The following OSBP2 variants were observed in gnomAD, a reference collection of about 807,000 sequenced individuals.
OSBP2 encodes oxysterol binding protein 2, also known as oxysterol-binding protein 2.
A neutral mutation model predicts 96.0 loss-of-function variants in OSBP2; 66 were observed. The observed-to-expected ratio is 0.69, with a 90% CI of 0.56 to 0.84. The LOEUF (loss-of-function observed/expected upper bound fraction) is 0.84, where lower values mean the gene tolerates loss of function less well. Ranked by LOEUF, OSBP2 falls within the 40% of genes least tolerant of loss-of-function variation. OSBP2 has a pLI of 0.00. For synonymous variants in OSBP2, 525 were observed against 520.9 expected (o/e 1.01, Z -0.11); for missense variants, 1,038 against 1,222.7 (o/e 0.85, Z 2.25).
rs1283001850 is a variant in OSBP2, at chr22:30,893,953, T to C, written c.2327T>C (p.Val776Ala). The C allele has an allele frequency of 6.2e-7, 1 of 1,600,202 alleles. No individual in the cohort carries two copies. Among genetic ancestry groups the C allele is most frequent in the Non-Finnish European group, 8.5e-7 (1 of 1,173,910 alleles). ...AGCTCTGACGGGAAGCAGAAGACAGTGTACCAGACCCTGTCAGCCAAGCTG... is the reference window on the plus strand; with the variant it reads ...AGCTCTGACGGGAAGCAGAAGACAGCGTACCAGACCCTGTCAGCCAAGCTG... The part of the protein sequence containing the change: ...SPSSDGKQKT[V>A]YQTLSAKLLW... Residue 776 changes from valine (V) to alanine (A), a missense_variant, in exon 12 of 14, where the codon GTG becomes GCG. Physicochemically the swap from Val to Ala is moderately conservative, Grantham distance 64 (BLOSUM62 0). Around this residue, in one of 3 missense-constraint regions of OSBP2, gnomAD observed 737 missense variants for 913.3 expected, o/e 0.81. Transcript: ENST00000332585.
chr22:30,905,773 C>A, intron 12 of OSBP2, 64 bp from the exon 13 acceptor site: 1 of 1,587,516 alleles, frequency 6.3e-7, no homozygotes, highest in Non-Finnish European at 8.5e-7. Context: ...CAGGGGAGGG[C>A]GGCCGGGTAG....
intron 2 of OSBP2, among the ~76,000 whole-genome samples, chr22:30,809,757 G>T (rs2090981242): frequency 6.6e-6 from 1 of 152,198 alleles, no homozygotes; most frequent in South Asian, 2.1e-4. Flanking sequence ...GATCTGAAGG[G>T]GTACACATGG....
At chr22:30,788,197 G>A (rs1327492548) in intron 2 of OSBP2, among the ~76,000 whole-genome samples, 2 of 152,152 alleles carry the variant, frequency 1.3e-5, no homozygotes, top group Non-Finnish European at 2.9e-5. Context: ...TGATGGTGAT[G>A]GTGGGGACAG....
chr22:30,866,421 G>A (rs2039339796), intron 2 of OSBP2, among the ~76,000 whole-genome samples: 1 of 152,214 alleles, frequency 6.6e-6, no homozygotes, highest in African/African-American at 2.4e-5. Context: ...CAGGACTCCT[G>A]ACTTCCAGAG....
At chr22:30,756,979 G>A (rs1167609751) in intron 2 of OSBP2, among the ~76,000 whole-genome samples, 1 of 151,840 alleles carries the variant, frequency 6.6e-6, no homozygotes, top group East Asian at 1.9e-4. Context: ...TATCTGCTGT[G>A]TGGTGACCCC....
chr22:30,902,400 C>A, intron 12 of OSBP2: 2 of 1,564,126 alleles, frequency 1.3e-6, no homozygotes, highest in Non-Finnish European at 1.8e-6. Flanking sequence ...GCTTGACATA[C>A]GATGGTGCAC....
In OSBP2 at chr22:30,897,102, A is replaced by G. The variant is rs139487626; in HGVS notation, c.2375+3101A>G. On this transcript the variant is annotated intron_variant, in intron 12 of 13. Transcript: ENST00000332585. ...AATATCAGGTAAAATAGACTTTAGG[A>G]CAAAAGCATTATTAAGGAAGGGAAA... is the stretch of plus-strand genomic sequence containing the variant. 1.6e-4 allele frequency among the ~76,000 whole-genome samples: 25 copies of G among 152,384 alleles called. No individual in the cohort carries two copies. The Middle Eastern group carries it at 0.01, about 62-fold the overall frequency.
In OSBP2 at chr22:30,893,695, C is replaced by G. The variant is rs1456189978; in HGVS notation, c.2152C>G (p.Leu718Val). 5 of 1,614,186 alleles carry G rather than the reference C, an allele frequency of 3.1e-6. No homozygotes were observed. Among genetic ancestry groups the G allele is most frequent in the African/African-American group, 1.3e-5 (1 of 75,054 alleles). Residue 718 changes from leucine (L) to valine (V), a missense_variant, in exon 11 of 14, where the codon CTG (leucine) becomes GTG (valine). Physicochemically the swap from Leu to Val is conservative, Grantham distance 32. Around this residue, in one of 3 missense-constraint regions of OSBP2, gnomAD observed 737 missense variants for 913.3 expected, o/e 0.81. Coordinates refer to ENST00000332585, the MANE Select transcript of OSBP2 (RefSeq NM_030758.4). The part of the protein sequence containing the change: ...KTNDRCQLKF[L>V]PYSYFSKEAA... ...CAATGACCGGTGCCAGCTGAAGTTC[C>G]TGCCCTACAGCTACTTCTCCAAAGA...
At chr22:30,707,496 C>T (rs952442964) in intron 1 of OSBP2, among the ~76,000 whole-genome samples, 2 of 151,702 alleles carry the variant, frequency 1.3e-5, no homozygotes, top group Non-Finnish European at 2.9e-5. Context: ...GGGCGGATCA[C>T]GAGGTCAGAA....
At chr22:30,898,091 A>AT in intron 12 of OSBP2, among the ~76,000 whole-genome samples, 1 of 152,334 alleles carries the variant, frequency 6.6e-6, no homozygotes, top group Admixed American at 6.5e-5. Context: ...AAAGTTCAAC[A>AT]TAGAAATCCA....
intron 2 of OSBP2, among the ~76,000 whole-genome samples, chr22:30,752,053 C>A (rs2090080884): frequency 6.6e-6 from 1 of 152,128 alleles, no homozygotes; most frequent in African/African-American, 2.4e-5. Context: ...CCTGCCAGCC[C>A]TTCCTCAGCC....
intron 2 of OSBP2, among the ~76,000 whole-genome samples, chr22:30,824,236 G>C (rs946340538): frequency 1.3e-5 from 2 of 152,186 alleles, no homozygotes; most frequent in Admixed American, 1.3e-4. Flanking sequence ...GTCCTGCCCT[G>C]CACAGCAAGC....
At chr22:30,808,953 CAAA>C (rs1033761542) in intron 2 of OSBP2, among the ~76,000 whole-genome samples, 1 of 145,384 alleles carries the variant, frequency 6.9e-6, no homozygotes, top group Admixed American at 6.9e-5. Flanking sequence ...GACTCCGTCT[CAAA>C]AAAAAAAATG....
intron 2 of OSBP2, among the ~76,000 whole-genome samples, chr22:30,825,631 T>C (rs1261241336): frequency 2.6e-5 from 4 of 152,232 alleles, no homozygotes; most frequent in Admixed American, 2.0e-4. Flanking sequence ...TATATGCACA[T>C]GTACAGATCT....
At chr22:30,812,866 C>G (rs988333991) in intron 2 of OSBP2, among the ~76,000 whole-genome samples, 21 of 152,150 alleles carry the variant, frequency 1.4e-4, no homozygotes, top group African/African-American at 4.8e-4. Context: ...GAGACTGTGT[C>G]TACTCTTATC....
chr22:30,764,465 A>C (rs1323452276), intron 2 of OSBP2: 1 of 918,114 alleles, frequency 1.1e-6, no homozygotes. Context: ...ATTCCCAGGG[A>C]GTGTGGCGTT....
intron 1 of OSBP2, among the ~76,000 whole-genome samples, chr22:30,717,090 T>TTA (rs71328866): frequency 5.2e-4 from 62 of 118,318 alleles, no homozygotes; most frequent in Non-Finnish European, 8.5e-4. Flanking sequence ...TTTACTGTTT[T>TTA]TGTGTGTGTG....
intron 2 of OSBP2, among the ~76,000 whole-genome samples, chr22:30,760,392 C>T (rs981124754): frequency 2.0e-5 from 3 of 152,112 alleles, no homozygotes; most frequent in Admixed American, 6.6e-5. Context: ...TAGATGAAAA[C>T]ATCTTCAACA....
intron 2 of OSBP2, among the ~76,000 whole-genome samples, chr22:30,770,307 C>T (rs1309109155): frequency 6.6e-6 from 1 of 151,924 alleles, no homozygotes; most frequent in African/African-American, 2.4e-5. Context: ...CCATGTTGGC[C>T]AGGCTGACGA....
Sources: gnomAD v4.1 joint callset for allele counts (sites outside exome capture counted in the v4.1 genomes callset) on GRCh38, gnomAD v4.1.1 for gene constraint, gnomAD v4.1.1 regional missense constraint, MANE v1.5 for transcripts, NCBI Gene and HGNC (gene_info 2026-07-23, HGNC 2026-07-21) for gene names.